The following TENM2 variants were observed in gnomAD, a reference collection of about 807,000 sequenced individuals.
The protein encoded by TENM2 is teneurin transmembrane protein 2.
In TENM2, 52 loss-of-function variants were observed where a neutral mutation model predicts 245.2. That is an observed-to-expected ratio of 0.21 (90% CI 0.17 to 0.27). The LOEUF is 0.27. TENM2 is among the 10% of genes least tolerant of loss of function. The probability of loss-of-function intolerance (pLI) is 1.00; values close to 1 mark genes in which losing one functional copy is unlikely to be tolerated. For synonymous variants in TENM2, 1,363 were observed against 1,438.9 expected (o/e 0.95, Z 1.19); for missense variants, 3,046 against 3,666.8 (o/e 0.83, Z 4.37).
At chr5:167,641,251 G>A (rs989322661) in intron 2 of TENM2, among the ~76,000 whole-genome samples, 13 of 152,020 alleles carry the variant, frequency 8.6e-5, no homozygotes, top group Admixed American at 2.0e-4. Context: ...GCATCAATAC[G>A]TGTCGCCTAC....
intron 2 of TENM2, among the ~76,000 whole-genome samples, chr5:167,425,429 A>G (rs921440304): frequency 6.6e-6 from 1 of 152,160 alleles, no homozygotes; most frequent in Non-Finnish European, 1.5e-5. Flanking sequence ...TGAGTTTGGG[A>G]TAACAAATAG....
the TENM2 span, among the ~76,000 whole-genome samples, chr5:167,074,209 G>A: frequency 6.6e-5 from 10 of 152,298 alleles, no homozygotes; most frequent in East Asian, 1.9e-3. Flanking sequence ...TATGGTTAAG[G>A]ATAAGGTGTA....
intron 2 of TENM2, among the ~76,000 whole-genome samples, chr5:167,480,912 A>G (rs890642837): frequency 2.0e-5 from 3 of 152,230 alleles, no homozygotes; most frequent in Admixed American, 1.3e-4. Flanking sequence ...GGTTAATATA[A>G]GAAGTCTGTT....
At chr5:168,080,513 T>C (rs555255068) in intron 7 of TENM2, among the ~76,000 whole-genome samples, 20 of 152,308 alleles carry the variant, frequency 1.3e-4, no homozygotes, top group African/African-American at 4.3e-4. Flanking sequence ...GTTCTTTTAA[T>C]TGTGATGTTA....
intron 2 of TENM2, among the ~76,000 whole-genome samples, chr5:167,787,204 G>T (rs905356963): frequency 4.1e-5 from 6 of 146,466 alleles, no homozygotes; most frequent in African/African-American, 1.5e-4. Context: ...TGAGGCCAAG[G>T]CCTGATCTCC....
chr5:168,014,799 C>T (rs1785524212), intron 5 of TENM2, among the ~76,000 whole-genome samples: 1 of 152,124 alleles, frequency 6.6e-6, no homozygotes, highest in Non-Finnish European at 1.5e-5. Flanking sequence ...AACCCCTGCC[C>T]AGGGTCTCAT....
chr5:168,106,031 G>C lies in TENM2; in HGVS notation c.1813+7904G>C, dbSNP rs150162531. Among the ~76,000 whole-genome samples, 61 of 152,222 alleles carry C rather than the reference G, an allele frequency of 4.0e-4. 1 individual carries two copies. In the East Asian group the frequency reaches 0.012, roughly 29 times the overall value. ...TGTTTTGACACTGGCTTCTCAGATG[G>C]CTTATTTGGGCTGAGCTTGAGGCCT... is the stretch of plus-strand genomic sequence containing the variant. On this transcript the variant is annotated intron_variant, in intron 9 of 28. Coordinates refer to ENST00000518659, the Ensembl canonical transcript of TENM2.
intron 7 of TENM2, among the ~76,000 whole-genome samples, chr5:168,066,716 G>C (rs1388352313): frequency 6.6e-6 from 1 of 152,138 alleles, no homozygotes; most frequent in East Asian, 1.9e-4. Flanking sequence ...GTCAATCTGA[G>C]TCATTCTTAG....
the TENM2 span, among the ~76,000 whole-genome samples, chr5:167,058,750 C>T: frequency 6.6e-6 from 1 of 151,736 alleles, no homozygotes; most frequent in African/African-American, 2.4e-5. Context: ...GACTTTGTCT[C>T]TTAAGAGGGG....
At chr5:167,637,378 A>G (rs1779271190) in intron 2 of TENM2, among the ~76,000 whole-genome samples, 2 of 152,218 alleles carry the variant, frequency 1.3e-5, no homozygotes, top group African/African-American at 4.8e-5. Context: ...GGGAGGAGGA[A>G]TGAAATGGGT....
chr5:168,232,833 G>A (rs749750899), intron 25 of TENM2, among the ~76,000 whole-genome samples: 19 of 152,198 alleles, frequency 1.2e-4, no homozygotes, highest in Non-Finnish European at 2.6e-4. Flanking sequence ...AGATGATGGC[G>A]GATGGATAGA....
At chr5:167,988,234 C>A (rs569073150) in intron 4 of TENM2, among the ~76,000 whole-genome samples, 1 of 152,256 alleles carries the variant, frequency 6.6e-6, no homozygotes, top group African/African-American at 2.4e-5. Context: ...CAGCACTATT[C>A]TTTTAGCATT....
intron 2 of TENM2, among the ~76,000 whole-genome samples, chr5:167,760,722 C>T (rs932240261): frequency 9.2e-5 from 14 of 152,162 alleles, no homozygotes; most frequent in African/African-American, 1.7e-4. Flanking sequence ...GGCATGATCT[C>T]GGCTCACTGC....
At chr5:168,124,750 G>A (rs956361099) in intron 10 of TENM2, 100 bp from the exon 13 acceptor site, 1 of 1,117,472 alleles carries the variant, frequency 8.9e-7, no homozygotes, top group African/African-American at 1.6e-5. Context: ...GGGAACTGGT[G>A]ACCCACTGGT....
chr5:167,160,453 T>C, the TENM2 span, among the ~76,000 whole-genome samples: 1 of 152,250 alleles, frequency 6.6e-6, no homozygotes, highest in African/African-American at 2.4e-5. Flanking sequence ...AGATATACCT[T>C]GGTAGTCTCT....
At chr5:167,889,282 T>C (rs925086919) in intron 3 of TENM2, among the ~76,000 whole-genome samples, 4 of 152,244 alleles carry the variant, frequency 2.6e-5, no homozygotes, top group African/African-American at 9.6e-5. Flanking sequence ...TGCAAACCTC[T>C]GCTTTTGAAT....
intron 1 of TENM2, among the ~76,000 whole-genome samples, chr5:167,345,673 G>A (rs1443484863): frequency 1.3e-5 from 2 of 151,970 alleles, no homozygotes; most frequent in Non-Finnish European, 2.9e-5. Flanking sequence ...CATTCACATA[G>A]GCCCCACTAC....
intron 4 of TENM2, among the ~76,000 whole-genome samples, chr5:167,989,074 G>A (rs556358415): frequency 4.6e-5 from 7 of 152,008 alleles, no homozygotes; most frequent in Admixed American, 6.5e-5. Context: ...CTAATGTTTC[G>A]ACTCTGGAGA....
At chr5:168,180,468 A>T (rs145113435) in intron 13 of TENM2, among the ~76,000 whole-genome samples, 1 of 152,346 alleles carries the variant, frequency 6.6e-6, no homozygotes, top group South Asian at 2.1e-4. Flanking sequence ...CCTGCAGGAG[A>T]CAGAGTTTGG....
Sources: allele counts gnomAD v4.1 joint callset (sites outside exome capture counted in the v4.1 genomes callset), GRCh38; gene constraint gnomAD v4.1.1; transcripts MANE v1.5; gene names NCBI Gene and HGNC (gene_info 2026-07-23, HGNC 2026-07-21).